Variants in CRB1 observed in about 807,000 individuals in gnomAD.
The protein encoded by CRB1 is crumbs cell polarity complex component 1.
In CRB1, 83 loss-of-function variants were observed where a neutral mutation model predicts 120.0. The observed-to-expected ratio is 0.69, with a 90% CI of 0.58 to 0.83. The LOEUF (loss-of-function observed/expected upper bound fraction) is 0.83, where lower values mean the gene tolerates loss of function less well. Among genes scored for constraint, CRB1 ranks in the 40% least tolerant of loss-of-function variants. The pLI is 0.00. For missense variants in CRB1, 1,699 were observed against 1,687.6 expected (o/e 1.01, Z -0.12); for synonymous variants, 625 against 612.5 (o/e 1.02, Z -0.30).
intron 7 of CRB1, 68 bp downstream of exon 7, chr1:197,428,069 T>G (rs1481608170): frequency 1.4e-6 from 2 of 1,393,472 alleles, no homozygotes; most frequent in Non-Finnish European, 2.0e-6. Flanking sequence ...AAAAGATAAC[T>G]TATTAAAACC....
Position 197,328,722 on chromosome 1 carries a change from T to A in CRB1, c.371T>A (p.Ile124Asn), listed in dbSNP as rs886045783. 4 of 1,612,396 alleles carry A rather than the reference T, an allele frequency of 2.5e-6. No individual in the cohort carries two copies. In the East Asian group the frequency reaches 6.7e-5, roughly 27 times the overall value. ...AAGAACTCCTGCCAACATGGAGGTA[T>A]TTGCCATCAGGACCCTATTTATCCT... The part of the protein sequence containing the change: ...CGKNSCQHGG[I>N]CHQDPIYPVC... The change falls in exon 2 of 12, where the codon ATT becomes AAT. Residue 124 changes from isoleucine to asparagine, a missense_variant. Ile to Asn is a moderately radical substitution (Grantham distance 149). Coordinates refer to ENST00000367400, the MANE Select transcript of CRB1 (RefSeq NM_201253.3).
In CRB1 at chr1:197,435,083, T is replaced by C. The variant is rs777533163; in HGVS notation, c.3220T>C (p.Leu1074=). The C allele has an allele frequency of 9.3e-6, 15 of 1,613,786 alleles. No homozygotes were observed. The Admixed American group carries it at 1.8e-4, about 20-fold the overall frequency. The change falls in exon 9 of 12, where the codon TTG becomes CTG. Residue 1074 remains leucine (L), a synonymous_variant. Transcript: ENST00000367400. ...AATTGCTACTGGAAGCCTCAACTTT[T>C]TGAAGGATAATACAGATATTTATGT... ...STIATGSLNF[L]KDNTDIYVGD... is the part of the protein sequence containing the mutation.
intron 2 of CRB1, among the ~76,000 whole-genome samples, chr1:197,343,216 G>C (rs1267897347): frequency 6.6e-6 from 1 of 152,012 alleles, no homozygotes; most frequent in East Asian, 1.9e-4. Context: ...ACTGACTTCT[G>C]AGTTTTTTGA....
rs113005960 is a variant in CRB1 at position 197,286,677 on chromosome 1, G to A, written c.70+18195G>A. ...CTTAGAGTTAAACTTCAGTACTATTGTAGGCGCTTAGTGTCTGAAGACCAC... is the reference window on the plus strand; with the variant it reads ...CTTAGAGTTAAACTTCAGTACTATTATAGGCGCTTAGTGTCTGAAGACCAC... On this transcript the variant is annotated intron_variant, in intron 1 of 11. Transcript: ENST00000367400. Among the ~76,000 whole-genome samples the A allele has an allele frequency of 3.1e-3, 473 of 151,958 alleles. 1 individual carries two copies. The highest frequency in any genetic ancestry group is 0.011 in the African/African-American group (452 of 41,518).
At chr1:197,448,570 A>G (rs1382216920) in intron 11 of CRB1, among the ~76,000 whole-genome samples, 3 of 152,168 alleles carry the variant, frequency 2.0e-5, no homozygotes, top group African/African-American at 4.8e-5. Flanking sequence ...CCTCCCTTTG[A>G]ACTTTTCACA....
intron 11 of CRB1, among the ~76,000 whole-genome samples, chr1:197,453,386 A>C (rs1013225872): frequency 2.7e-5 from 4 of 147,636 alleles, no homozygotes; most frequent in African/African-American, 4.9e-5. Flanking sequence ...TATATAATTA[A>C]ATTATATAAC....
intron 7 of CRB1, among the ~76,000 whole-genome samples, chr1:197,428,427 A>G (rs1664707483): frequency 2.6e-5 from 4 of 152,246 alleles, no homozygotes; most frequent in Non-Finnish European, 5.9e-5. Context: ...AACAAGAGAA[A>G]TCTGAGAGGT....
At position 197,403,899 on chromosome 1, in the gene CRB1, C is replaced by T. The variant is rs370084915; in HGVS notation, c.1172-17101C>T. Among the ~76,000 whole-genome samples, 4 of 152,210 alleles carry T rather than the reference C, an allele frequency of 2.6e-5. No individual in the cohort carries two copies. The South Asian group carries it at 6.2e-4, about 24-fold the overall frequency. On this transcript the variant is annotated intron_variant, in intron 5 of 11. Coordinates refer to ENST00000367400, the MANE Select transcript of CRB1 (RefSeq NM_201253.3). ...GCTGTCATTAGCCAGGTTCACTGACCACCTTGAGGAACAGTCAAAGCTCCA... is the reference window on the plus strand; with the variant it reads ...GCTGTCATTAGCCAGGTTCACTGACTACCTTGAGGAACAGTCAAAGCTCCA...
At chr1:197,202,773 G>T in the CRB1 span, among the ~76,000 whole-genome samples, 19 of 152,316 alleles carry the variant, frequency 1.2e-4, no homozygotes, top group African/African-American at 4.6e-4. Context: ...CTTTTGGAAA[G>T]ATTTGATATT....
Position 197,286,682 on chromosome 1 carries a change from C to T in CRB1, c.70+18200C>T, listed in dbSNP as rs571682081. Among the ~76,000 whole-genome samples the T allele has an allele frequency of 9.9e-5, 15 of 151,968 alleles. 1 individual carries two copies. The East Asian group carries it at 1.4e-3, about 14-fold the overall frequency. ...AGTTAAACTTCAGTACTATTGTAGG[C>T]GCTTAGTGTCTGAAGACCACTGGCT... On this transcript the variant is annotated intron_variant, in intron 1 of 11. Coordinates refer to ENST00000367400, the MANE Select transcript of CRB1 (RefSeq NM_201253.3).
At chr1:197,416,638 A>T (rs1664017279) in intron 5 of CRB1, among the ~76,000 whole-genome samples, 1 of 152,196 alleles carries the variant, frequency 6.6e-6, no homozygotes, top group South Asian at 2.1e-4. Flanking sequence ...AAAACACAAG[A>T]TGTTAAAGTA....
chr1:197,203,667 A>C, the CRB1 span, among the ~76,000 whole-genome samples: 1 of 152,222 alleles, frequency 6.6e-6, no homozygotes, highest in East Asian at 1.9e-4. Flanking sequence ...AGAAATAAGC[A>C]TAAGTAAGAA....
intron 1 of CRB1, among the ~76,000 whole-genome samples, chr1:197,304,106 A>C (rs962040320): frequency 1.4e-4 from 22 of 152,336 alleles, no homozygotes; most frequent in African/African-American, 5.3e-4. Context: ...TGGAGAAGCT[A>C]TGTATTGATA....
chr1:197,272,448 A>G (rs1019923545), intron 1 of CRB1, among the ~76,000 whole-genome samples: 1 of 152,076 alleles, frequency 6.6e-6, no homozygotes, highest in Non-Finnish European at 1.5e-5. Flanking sequence ...GGAGAATTGC[A>G]TGCTTTTTTT....
chr1:197,344,352 G>C lies in CRB1; in HGVS notation c.724G>C (p.Ala242Pro). ...TTTAAATGGTGCAACTTGTCAGGAT[G>C]CTCTGGGGGCCTATTTCTGCGACTG... ...PCLNGATCQDALGAYFCDCAP... is the reference protein window; with the variant it reads ...PCLNGATCQDPLGAYFCDCAP... Residue 242 changes from alanine (A) to proline (P), a missense_variant, in exon 3 of 12, where the codon GCT becomes CCT. Physicochemically the swap from Ala to Pro is conservative, Grantham distance 27. Transcript: ENST00000367400. 1 of 1,614,186 alleles carries C rather than the reference G, an allele frequency of 6.2e-7. No homozygotes were observed. Among genetic ancestry groups the C allele is most frequent in the Non-Finnish European group, 8.5e-7 (1 of 1,180,022 alleles).
the CRB1 span, among the ~76,000 whole-genome samples, chr1:197,246,445 A>G: frequency 6.6e-6 from 1 of 151,988 alleles, no homozygotes; most frequent in African/African-American, 2.4e-5. Context: ...TATGAATCCA[A>G]AAGAAAACCC....
the CRB1 span, among the ~76,000 whole-genome samples, chr1:197,223,482 C>T: frequency 1.3e-5 from 2 of 151,922 alleles, no homozygotes; most frequent in Non-Finnish European, 2.9e-5. Flanking sequence ...ATATCATAGC[C>T]ATTTAATAAC....
At chr1:197,215,660 A>G in the CRB1 span, among the ~76,000 whole-genome samples, 1 of 152,048 alleles carries the variant, frequency 6.6e-6, no homozygotes, top group Non-Finnish European at 1.5e-5. Flanking sequence ...ATGATTTTAT[A>G]AGGGACTTTT....
At chr1:197,438,756 A>AT (rs5779871) in intron 10 of CRB1, 81 bp downstream of exon 10, 298,622 of 1,531,398 alleles carry the variant, frequency 0.2, 31,739 homozygotes, top group Non-Finnish European at 0.21. Context: ...TTCTCCTCTA[A>AT]TTTTTTATCT....
Sources: allele counts gnomAD v4.1 joint callset (sites outside exome capture counted in the v4.1 genomes callset), GRCh38; gene constraint gnomAD v4.1.1; transcripts MANE v1.5; gene names NCBI Gene and HGNC (gene_info 2026-07-23, HGNC 2026-07-21).